The following DGKD variants were observed in gnomAD, a reference collection of about 807,000 sequenced individuals.
The protein encoded by DGKD is diacylglycerol kinase delta, also known as DAG kinase delta.
A neutral mutation model predicts 154.4 loss-of-function variants in DGKD; 68 were observed. That is an observed-to-expected ratio of 0.44 (90% CI 0.36 to 0.54). The LOEUF (loss-of-function observed/expected upper bound fraction) is 0.54. DGKD is among the 20% of genes least tolerant of loss of function. DGKD has a pLI of 0.00. For synonymous variants in DGKD, 693 were observed against 638.0 expected (o/e 1.09, Z -1.30); for missense variants, 1,343 against 1,593.6 (o/e 0.84, Z 2.68).
intron 3 of DGKD, chr2:233,419,211 C>T: frequency 3.0e-6 from 3 of 985,584 alleles, no homozygotes; most frequent in Non-Finnish European, 3.6e-6. Flanking sequence ...CCGAGTGCCT[C>T]ATCCTGCCCC....
rs2062851371 is a variant in DGKD at position 233,440,517 on chromosome 2, A to G, written c.1086-1370A>G. Among the ~76,000 whole-genome samples, 1 of 152,164 alleles carries G rather than the reference A, an allele frequency of 6.6e-6. No homozygotes were observed. On this transcript the variant is annotated intron_variant, in intron 9 of 29. Coordinates refer to ENST00000264057, the MANE Select transcript of DGKD (RefSeq NM_152879.3). The surrounding 1 kb of genome is among the most constrained non-coding windows in gnomAD (Gnocchi z 4.9). ...CCGGTGGGGGCAGGGTCGCAAGTCA[A>G]ACTGGGCGTCCTTCCACGTCTCCCC...
At chr2:233,467,010 C>A in intron 27 of DGKD, 76 bp from the exon 28 acceptor site, 1 of 1,203,528 alleles carries the variant, frequency 8.3e-7, no homozygotes, top group Non-Finnish European at 1.2e-6. Context: ...GCCCTCCCAG[C>A]CTCTCTGGTG....
At chr2:233,409,141 A>T (rs1409935787) in intron 3 of DGKD, 3 of 152,168 alleles carry the variant, frequency 2.0e-5, no homozygotes, top group African/African-American at 7.2e-5. Context: ...TGTTTAGATT[A>T]TCAGTGGGGT....
chr2:233,416,048 C>T (rs2061952244), intron 3 of DGKD, among the ~76,000 whole-genome samples: 1 of 152,192 alleles, frequency 6.6e-6, no homozygotes, highest in South Asian at 2.1e-4. Context: ...TCCAGTTTTC[C>T]CGGCTGCTTG....
At chr2:233,368,161 C>CA (rs1702129668) in intron 1 of DGKD, among the ~76,000 whole-genome samples, 1 of 152,012 alleles carries the variant, frequency 6.6e-6, no homozygotes, top group Admixed American at 6.6e-5. Flanking sequence ...AGATTCCTGC[C>CA]ACCCCCATTG....
rs148094646 is a variant in DGKD, at chr2:233,448,458, G to A, written c.1614+83G>A. ...CACCAGCAGAGGGCCGTGACTGCAG[G>A]TTGTCCAGGTTCTTGGTGATTTGAA... On this transcript the variant is annotated intron_variant, in intron 14 of 29. Transcript: ENST00000264057. The A allele has an allele frequency of 3.7e-3, 4,535 of 1,230,864 alleles. 23 individuals are homozygous for A. The highest frequency in any genetic ancestry group is 8.8e-3 in the Middle Eastern group (44 of 4,980). 76.2% of individuals were successfully genotyped at this position (1,230,864 alleles called of 1,614,324 possible).
At chr2:233,464,740 G>A (rs1225965689) in intron 27 of DGKD, among the ~76,000 whole-genome samples, 1 of 152,234 alleles carries the variant, frequency 6.6e-6, no homozygotes. Context: ...GTCTGGGAGG[G>A]ACCCGAGGAC....
At chr2:233,466,883 T>C (rs1471342322) in intron 27 of DGKD, among the ~76,000 whole-genome samples, 2 of 152,214 alleles carry the variant, frequency 1.3e-5, no homozygotes, top group African/African-American at 4.8e-5. Context: ...CTATGATCAC[T>C]TTGAAACCAC....
In DGKD at chr2:233,454,792, A is replaced by G. The variant is rs1332936918; in HGVS notation, c.2294A>G (p.Asn765Ser). Reference sequence around the variant, plus strand: ...TATTACACGGAGAAATGTGTCATGAACAACTATTTTGGCATTGGCCTGGAT... The same window carrying G: ...TATTACACGGAGAAATGTGTCATGAGCAACTATTTTGGCATTGGCCTGGAT... The part of the protein sequence containing the change: ...LEYYTEKCVM[N>S]NYFGIGLDAK... The change falls in exon 19 of 30, where the codon AAC becomes AGC. Residue 765 changes from asparagine to serine, a missense_variant. Asn to Ser is a conservative substitution (Grantham distance 46). Transcript: ENST00000264057. 5 of 1,613,530 alleles carry G rather than the reference A, an allele frequency of 3.1e-6. No homozygotes were observed.
In DGKD at chr2:233,449,380, A is replaced by G. The variant is rs1228936748; in HGVS notation, c.1888+4A>G. 1.3e-6 allele frequency: 2 copies of G among 1,590,672 alleles called. No individual in the cohort carries two copies. Among genetic ancestry groups the G allele is most frequent in the Admixed American group, 1.7e-5 (1 of 59,546 alleles). ...ATCATAGAACACACAGAAAAAGGTA[A>G]CTGGCCTTGTGATGAGGAGGGGCTT... On this transcript the variant is annotated splice_donor_region_variant and intron_variant, in intron 15 of 29. Transcript: ENST00000264057. This position sits in a 1 kb window ranked among gnomAD's most constrained non-coding sequence, Gnocchi z 5.3.
chr2:233,422,916 C>T (rs2054071), intron 3 of DGKD, among the ~76,000 whole-genome samples: 104,098 of 152,006 alleles, frequency 0.68, 36,626 homozygotes, highest in African/African-American at 0.86. Context: ...CTTTTACAGC[C>T]TCACACATGT....
Position 233,462,348 on chromosome 2 carries a change from T to G in DGKD, c.2982T>G (p.Ser994Arg), listed in dbSNP as rs759341283. Reference protein sequence around the residue: ...FGQAAGVLIHSIREIAQSHRD... With the variant: ...FGQAAGVLIHRIREIAQSHRD... ...TGCCCGTGCTTCTCTTCCTCTCTAG[T>G]ATCCGAGAAATAGCTCAGTCTCACC... The change falls in exon 25 of 30, where the codon AGT becomes AGG. Residue 994 changes from serine to arginine, a missense_variant and splice_region_variant. Transcript: ENST00000264057. The G allele has an allele frequency of 6.3e-7, 1 of 1,596,810 alleles. No individual in the cohort carries two copies.
Position 233,445,673 on chromosome 2 carries a change from A to T in DGKD, c.1245A>T (p.Val415=), listed in dbSNP as rs940752845. 3.5e-5 allele frequency: 57 copies of T among 1,613,362 alleles called. No individual in the cohort carries two copies. Among genetic ancestry groups the T allele is most frequent in the Non-Finnish European group, 4.6e-5 (54 of 1,179,772 alleles). ...GCACAGGGAACGACTTGGCCCGAGT[A>T]CTGGGCTGGGGCTCAGCCTGCGATG... ...PLGTGNDLAR[V]LGWGSACDDD... is the part of the protein sequence containing the mutation. Residue 415 remains valine (V), a synonymous_variant, in exon 11 of 30, where the codon GTA becomes GTT. Transcript: ENST00000264057. This position sits in a 1 kb window ranked among gnomAD's most constrained non-coding sequence, Gnocchi z 5.5.
intron 1 of DGKD, among the ~76,000 whole-genome samples, chr2:233,377,250 T>C (rs1438970660): frequency 6.6e-6 from 1 of 151,998 alleles, no homozygotes; most frequent in Non-Finnish European, 1.5e-5. Context: ...TCCCAGCTAA[T>C]TTTTTGTATT....
At chr2:233,451,461 T>C (rs187193833) in intron 17 of DGKD, among the ~76,000 whole-genome samples, 11 of 152,236 alleles carry the variant, frequency 7.2e-5, no homozygotes, top group Middle Eastern at 3.4e-3. Flanking sequence ...TTCCTTGATA[T>C]TCATTCCTTA....
At chr2:233,390,764 C>T (rs189841528) in intron 3 of DGKD, among the ~76,000 whole-genome samples, 25 of 152,246 alleles carry the variant, frequency 1.6e-4, no homozygotes, top group Non-Finnish European at 2.2e-4. Flanking sequence ...CGGAGTTTGG[C>T]TCTTGTTGCC....
chr2:233,419,848 A>G (rs1031982332), intron 3 of DGKD, among the ~76,000 whole-genome samples: 39 of 151,982 alleles, frequency 2.6e-4, no homozygotes, highest in African/African-American at 8.7e-4. Flanking sequence ...TGAGGTTTCT[A>G]GGGTGTGATG....
At chr2:233,423,813 C>A (rs1024063451) in intron 3 of DGKD, among the ~76,000 whole-genome samples, 1 of 152,110 alleles carries the variant, frequency 6.6e-6, no homozygotes, top group Non-Finnish European at 1.5e-5. Flanking sequence ...TCCACCCACC[C>A]CCCCAGTATC....
intron 1 of DGKD, among the ~76,000 whole-genome samples, chr2:233,371,756 G>A (rs553414858): frequency 6.6e-6 from 1 of 152,314 alleles, no homozygotes; most frequent in South Asian, 2.1e-4. Flanking sequence ...CTGTGTGGAT[G>A]TGCAGTTGCT....
Sources: allele counts gnomAD v4.1 joint callset (sites outside exome capture counted in the v4.1 genomes callset), GRCh38; gene constraint gnomAD v4.1.1; non-coding constraint Gnocchi (gnomAD v3.1); transcripts MANE v1.5; gene names NCBI Gene and HGNC (gene_info 2026-07-23, HGNC 2026-07-21).